Variants in PTPN12 observed in about 807,000 individuals in gnomAD.
The protein encoded by PTPN12 is protein tyrosine phosphatase non-receptor type 12.
Under a neutral mutation model 97.6 loss-of-function variants are expected in PTPN12, and 29 were observed. That is an observed-to-expected ratio of 0.30 (90% CI 0.22 to 0.41). The LOEUF (loss-of-function observed/expected upper bound fraction) is 0.41, where lower values mean the gene tolerates loss of function less well. PTPN12 is among the 10% of genes least tolerant of loss of function. The pLI, the probability that PTPN12 is intolerant of heterozygous loss-of-function variation, is 1.00. For synonymous variants in PTPN12, 327 were observed against 300.4 expected, an observed-to-expected ratio of 1.09 and a Z score of -0.91; for missense variants, 819 against 926.0, an observed-to-expected ratio of 0.88 and a Z score of 1.50.
rs770232959 is a variant in PTPN12, at chr7:77,626,763, G to A, written c.1084G>A (p.Val362Met). Residue 362 changes from valine to methionine, a missense_variant, in exon 13 of 18, where the codon GTG becomes ATG. Val to Met is a conservative substitution (Grantham distance 21). This residue lies in a region of PTPN12 where 607 missense variants were observed against 577.3 expected (regional missense o/e 1.05). Coordinates refer to ENST00000248594, the MANE Select transcript of PTPN12 (RefSeq NM_002835.4). ...EILQPPEPHPVPPILTPSPPS... is the reference protein window; with the variant it reads ...EILQPPEPHPMPPILTPSPPS... ...ACTGCAGCCACCGGAACCTCATCCA[G>A]TGCCACCCATCTTGACACCTTCTCC... 9.5e-5 allele frequency: 154 copies of A among 1,613,406 alleles called. No homozygotes were observed. The highest frequency in any genetic ancestry group is 1.2e-4 in the Non-Finnish European group (144 of 1,179,788).
intron 12 of PTPN12, among the ~76,000 whole-genome samples, chr7:77,622,039 T>G (rs1399360562): frequency 6.6e-6 from 1 of 152,222 alleles, no homozygotes; most frequent in Non-Finnish European, 1.5e-5. Context: ...TATGGCTCAC[T>G]GCAGCCTCGA....
At chr7:77,548,796 G>A (rs1036047019) in intron 1 of PTPN12, among the ~76,000 whole-genome samples, 2 of 152,214 alleles carry the variant, frequency 1.3e-5, no homozygotes, top group Non-Finnish European at 2.9e-5. Flanking sequence ...CCCTTGAGCA[G>A]GTTGAAGCAT....
chr7:77,619,991 G>A (rs1788877715), intron 12 of PTPN12, among the ~76,000 whole-genome samples: 1 of 152,190 alleles, frequency 6.6e-6, no homozygotes. Context: ...AAGGTAACCA[G>A]TTGAAACCTA....
In PTPN12 at chr7:77,629,594, T is replaced by C. The variant is rs550930350; in HGVS notation, c.1996+1919T>C. Among the ~76,000 whole-genome samples the C allele has an allele frequency of 2.0e-5, 3 of 151,790 alleles. No homozygotes were observed. The South Asian group carries it at 6.2e-4, about 31-fold the overall frequency. On this transcript the variant is annotated intron_variant, in intron 13 of 17. Coordinates refer to ENST00000248594, the MANE Select transcript of PTPN12 (RefSeq NM_002835.4). ...AAAACCAAAAAACCATTACTGGAAA[T>C]AGGATTTGGTGAGGGCCAGAAAGAT...
At chr7:77,610,589 C>T (rs541548518) in intron 9 of PTPN12, among the ~76,000 whole-genome samples, 176 bp from the exon 10 acceptor site, 1 of 152,272 alleles carries the variant, frequency 6.6e-6, no homozygotes, top group African/African-American at 2.4e-5. Flanking sequence ...TGCTGAGGGT[C>T]AAGAACAGTT....
chr7:77,541,454 T>G (rs903850982), intron 1 of PTPN12, among the ~76,000 whole-genome samples: 3 of 152,220 alleles, frequency 2.0e-5, no homozygotes, highest in African/African-American at 7.2e-5. Context: ...TAGGTCATTC[T>G]ACTTTCTGCT....
intron 1 of PTPN12, among the ~76,000 whole-genome samples, chr7:77,547,715 C>T (rs1362203625): frequency 6.6e-6 from 1 of 152,170 alleles, no homozygotes; most frequent in Non-Finnish European, 1.5e-5. Flanking sequence ...CTAAATCTGT[C>T]TGAATAGATC....
intron 1 of PTPN12, among the ~76,000 whole-genome samples, chr7:77,558,240 A>T (rs1479313857): frequency 6.6e-6 from 1 of 151,610 alleles, no homozygotes; most frequent in Non-Finnish European, 1.5e-5. Context: ...AAAAGAAAAA[A>T]GAAAGAAAAA....
intron 1 of PTPN12, among the ~76,000 whole-genome samples, chr7:77,565,435 G>A (rs1808218786): frequency 6.6e-6 from 1 of 152,198 alleles, no homozygotes; most frequent in African/African-American, 2.4e-5. Context: ...TAGGTTTTTG[G>A]CTTGAACTAC....
At position 77,626,803 on chromosome 7, in the gene PTPN12, C is replaced by T; in HGVS notation, c.1124C>T (p.Pro375Leu). The change falls in exon 13 of 18, where the codon CCA (proline) becomes CTA (leucine). Residue 375 changes from proline (P) to leucine (L), a missense_variant. Pro to Leu is a moderately conservative substitution (Grantham distance 98, BLOSUM62 -3). This residue lies in a region of PTPN12 where 607 missense variants were observed against 577.3 expected (regional missense o/e 1.05). Transcript: ENST00000248594. ...ILTPSPPSAFPTVTTVWQDND... is the reference protein window; with the variant it reads ...ILTPSPPSAFLTVTTVWQDND... ...ACACCTTCTCCCCCTTCAGCTTTTC[C>T]AACAGTCACTACTGTGTGGCAGGAC... The T allele has an allele frequency of 6.2e-7, 1 of 1,614,034 alleles. No homozygotes were observed. The highest frequency in any genetic ancestry group is 8.5e-7 in the Non-Finnish European group (1 of 1,179,954).
chr7:77,593,831 C>G (rs4729547), intron 6 of PTPN12, among the ~76,000 whole-genome samples: 33,548 of 152,156 alleles, frequency 0.22, 4,744 homozygotes, highest in East Asian at 0.7. Flanking sequence ...ATATCACATT[C>G]CTTATTCAGA....
chr7:77,636,207 A>C lies in PTPN12; in HGVS notation c.2142+358A>C, dbSNP rs147279875. Among the ~76,000 whole-genome samples the C allele has an allele frequency of 1.5e-3, 226 of 152,240 alleles. 1 individual carries two copies. Among genetic ancestry groups the C allele is most frequent in the African/African-American group, 4.8e-3 (199 of 41,522 alleles). On this transcript the variant is annotated intron_variant, in intron 15 of 17. Transcript: ENST00000248594. ...TACATTTCTAGATGCTTCCCATTATAACACTAGGCACATAGTCGCTTCTTT... is the reference window on the plus strand; with the variant it reads ...TACATTTCTAGATGCTTCCCATTATCACACTAGGCACATAGTCGCTTCTTT...
rs1562738005 is a variant in PTPN12 at position 77,597,832 on chromosome 7, C to CT, written c.493-7dup. The CT allele has an allele frequency of 4.4e-6, 7 of 1,603,672 alleles. No homozygotes were observed. The highest frequency in any genetic ancestry group is 6.0e-6 in the Non-Finnish European group (7 of 1,176,120). ...TTTTCACTGACTTAGAAATGTTTCT[C>CT]TTTATTTAGGAGGATGAACAAGCAA... On this transcript the variant is annotated splice_polypyrimidine_tract_variant and intron_variant, in intron 6 of 17. Coordinates refer to ENST00000248594, the MANE Select transcript of PTPN12 (RefSeq NM_002835.4).
intron 8 of PTPN12, among the ~76,000 whole-genome samples, chr7:77,604,191 GT>G (rs1299272769): frequency 4.7e-5 from 4 of 85,580 alleles, no homozygotes; most frequent in Non-Finnish European, 7.3e-5. Flanking sequence ...CCCAGCCTTT[GT>G]TTGCATTTTT....
At chr7:77,537,735 C>G in intron 1 of PTPN12, 90 bp downstream of exon 1, 1 of 1,354,746 alleles carries the variant, frequency 7.4e-7, no homozygotes, top group South Asian at 1.4e-5. Flanking sequence ...CTTTGTGTAC[C>G]TCTGTGAGGA....
At chr7:77,628,427 CAT>C (rs1465655987) in intron 13 of PTPN12, among the ~76,000 whole-genome samples, 13 of 152,114 alleles carry the variant, frequency 8.5e-5, no homozygotes, top group African/African-American at 2.4e-4. Context: ...TGAGAGTAAA[CAT>C]ATAAATTTGA....
chr7:77,588,953 A>G (rs935421585), intron 5 of PTPN12, among the ~76,000 whole-genome samples: 14 of 152,010 alleles, frequency 9.2e-5, no homozygotes, highest in African/African-American at 3.4e-4. Flanking sequence ...GCTCACTGCA[A>G]CCTCCATCTC....
At chr7:77,632,485 A>C (rs1789432727) in intron 14 of PTPN12, 60 bp downstream of exon 14, 1 of 1,291,192 alleles carries the variant, frequency 7.7e-7, no homozygotes. Context: ...TCCGAAAAAC[A>C]TACCTGATTT....
intron 6 of PTPN12, among the ~76,000 whole-genome samples, chr7:77,593,205 G>T (rs1787919711): frequency 6.6e-6 from 1 of 151,596 alleles, no homozygotes; most frequent in East Asian, 1.9e-4. Flanking sequence ...GGAGGTGGAG[G>T]TTGCAGTGAG....
Sources: allele counts gnomAD v4.1 joint callset (sites outside exome capture counted in the v4.1 genomes callset), GRCh38; gene constraint gnomAD v4.1.1; regional missense constraint gnomAD v4.1.1; transcripts MANE v1.5; gene names NCBI Gene and HGNC (gene_info 2026-07-23, HGNC 2026-07-21).